Variants in TLL1 observed in about 807,000 individuals in gnomAD.
TLL1 encodes the protein tolloid like 1, also known as tolloid-like protein 1.
In TLL1, 49 loss-of-function variants were observed where a neutral mutation model predicts 128.2. The ratio of observed to expected loss-of-function variants is 0.38; its 90% CI spans 0.30 to 0.48. The LOEUF is 0.48. TLL1 is among the 20% of genes least tolerant of loss of function. The pLI is 0.96. For missense variants in TLL1, 1,123 were observed against 1,242.0 expected (o/e 0.90, Z 1.44); for synonymous variants, 454 against 418.8 (o/e 1.08, Z -1.03).
At chr4:165,905,250 T>A (rs1037577062) in intron 1 of TLL1, among the ~76,000 whole-genome samples, 2 of 152,174 alleles carry the variant, frequency 1.3e-5, no homozygotes, top group African/African-American at 4.8e-5. Context: ...CTACAAACCT[T>A]TATTCACAAT....
chr4:165,911,977 G>A (rs1052982921), intron 1 of TLL1, among the ~76,000 whole-genome samples: 2 of 152,040 alleles, frequency 1.3e-5, no homozygotes, highest in African/African-American at 4.8e-5. Context: ...CCGGGTTCAC[G>A]CCATTCTCCT....
intron 18 of TLL1, among the ~76,000 whole-genome samples, chr4:166,085,875 G>A (rs913176300): frequency 2.8e-4 from 43 of 152,146 alleles, no homozygotes; most frequent in African/African-American, 8.2e-4. Context: ...TTTTTAAATC[G>A]TAGTTTATGA....
chr4:166,050,136 A>G (rs905197093), intron 12 of TLL1, among the ~76,000 whole-genome samples: 6 of 152,184 alleles, frequency 3.9e-5, no homozygotes, highest in Non-Finnish European at 8.8e-5. Flanking sequence ...AAAATGTTCA[A>G]GCAATTTCCA....
chr4:166,056,394 G>GTA (rs1391655873), intron 13 of TLL1, among the ~76,000 whole-genome samples: 4 of 150,928 alleles, frequency 2.7e-5, no homozygotes, highest in Non-Finnish European at 1.5e-5. Context: ...ATTATATATT[G>GTA]TATATATATA....
Position 165,962,052 on chromosome 4 carries a change from A to T in TLL1, c.170-27329A>T, listed in dbSNP as rs530507091. 2.6e-5 allele frequency among the ~76,000 whole-genome samples: 4 copies of T among 152,254 alleles called. No individual in the cohort carries two copies. In the East Asian group the frequency reaches 7.7e-4, roughly 29 times the overall value. On this transcript the variant is annotated intron_variant, in intron 1 of 20. Coordinates refer to ENST00000061240, the MANE Select transcript of TLL1 (RefSeq NM_012464.5). Reference sequence around the variant, plus strand: ...ATGGCTATGTTCTAAAAAAAATTGCAATAGAAACAAAAATTAACAAGTGGG... The same window carrying T: ...ATGGCTATGTTCTAAAAAAAATTGCTATAGAAACAAAAATTAACAAGTGGG...
chr4:165,949,561 T>C (rs1734410627), intron 1 of TLL1, among the ~76,000 whole-genome samples: 1 of 152,038 alleles, frequency 6.6e-6, no homozygotes, highest in African/African-American at 2.4e-5. Flanking sequence ...TACCCGAGAC[T>C]GAGCAATTTA....
At position 166,065,418 on chromosome 4, in the gene TLL1, A is replaced by G. The variant is rs181903063; in HGVS notation, c.2008-265A>G. Among the ~76,000 whole-genome samples, 162 of 152,108 alleles carry G rather than the reference A, an allele frequency of 1.1e-3. 1 individual carries two copies. Among genetic ancestry groups the G allele is most frequent in the African/African-American group, 3.8e-3 (157 of 41,544 alleles). The stretch of plus-strand genomic sequence containing the variant: ...ATCACCAGTGCCATGTATGACAAGT[A>G]TCATTTTGGACAAGCTATATAAAAA... On this transcript the variant is annotated intron_variant, in intron 15 of 20. Coordinates refer to ENST00000061240, the MANE Select transcript of TLL1 (RefSeq NM_012464.5).
intron 1 of TLL1, among the ~76,000 whole-genome samples, chr4:165,972,808 C>A (rs1217860113): frequency 6.6e-6 from 1 of 152,132 alleles, no homozygotes; most frequent in East Asian, 1.9e-4. Context: ...CACCTTCTAC[C>A]ATCAGTCTTG....
At chr4:166,044,735 A>C (rs1002747241) in intron 12 of TLL1, among the ~76,000 whole-genome samples, 2 of 147,246 alleles carry the variant, frequency 1.4e-5, no homozygotes, top group Non-Finnish European at 2.9e-5. Flanking sequence ...TGATTTAGAC[A>C]AAAAAAAGGC....
chr4:166,056,555 TTTTAA>T (rs1290412503), intron 13 of TLL1, among the ~76,000 whole-genome samples: 2 of 152,168 alleles, frequency 1.3e-5, no homozygotes, highest in African/African-American at 4.8e-5. Flanking sequence ...GTTTTATACC[TTTTAA>T]TTTATGTTCA....
At chr4:166,050,444 T>C (rs1411404544) in intron 12 of TLL1, among the ~76,000 whole-genome samples, 1 of 152,214 alleles carries the variant, frequency 6.6e-6, no homozygotes, top group Non-Finnish European at 1.5e-5. Flanking sequence ...TTTCAATTCT[T>C]TGGGGTATTT....
rs562131971 is a variant in TLL1, at chr4:165,956,882, G to A, written c.170-32499G>A. Among the ~76,000 whole-genome samples, 276 of 152,052 alleles carry A rather than the reference G, an allele frequency of 1.8e-3. 1 individual carries two copies. Among genetic ancestry groups the A allele is most frequent in the Non-Finnish European group, 3.5e-3 (240 of 67,982 alleles). On this transcript the variant is annotated intron_variant, in intron 1 of 20. Transcript: ENST00000061240. ...CTCTGTTTGGGGTCCCTGACTTCCC[G>A]CAATACCTGATACCACAAAAACACA...
rs772506644 is a variant in TLL1 at position 165,995,042 on chromosome 4, C to T, written c.515-19C>T. 1 of 1,603,410 alleles carries T rather than the reference C, an allele frequency of 6.2e-7. No homozygotes were observed. Among genetic ancestry groups the T allele is most frequent in the Non-Finnish European group, 8.5e-7 (1 of 1,170,472 alleles). On this transcript the variant is annotated intron_variant, in intron 4 of 20. Coordinates refer to ENST00000061240, the MANE Select transcript of TLL1 (RefSeq NM_012464.5). The stretch of plus-strand genomic sequence containing the variant: ...CCTGGGGATGCCACCTTTTCATTAA[C>T]ATCACACATTTTTTCTAGGCAGCCA...
At chr4:166,087,770 C>T (rs1741590518) in intron 18 of TLL1, among the ~76,000 whole-genome samples, 1 of 152,132 alleles carries the variant, frequency 6.6e-6, no homozygotes, top group African/African-American at 2.4e-5. Context: ...GGAAGCCTGG[C>T]CAGGGGCCAG....
At chr4:166,023,409 A>T (rs912768898) in intron 8 of TLL1, among the ~76,000 whole-genome samples, 1 of 152,210 alleles carries the variant, frequency 6.6e-6, no homozygotes, top group Non-Finnish European at 1.5e-5. Context: ...CCAAAGAAAA[A>T]TAAAAAGTTT....
At chr4:166,019,906 A>G (rs1738136734) in intron 8 of TLL1, among the ~76,000 whole-genome samples, 1 of 152,182 alleles carries the variant, frequency 6.6e-6, no homozygotes, top group East Asian at 1.9e-4. Flanking sequence ...TAGTTATTAC[A>G]CAGTCAGTGC....
At chr4:166,015,143 T>C (rs1217269384) in intron 8 of TLL1, among the ~76,000 whole-genome samples, 1 of 152,016 alleles carries the variant, frequency 6.6e-6, no homozygotes, top group Non-Finnish European at 1.5e-5. Context: ...GCCTTAATCA[T>C]CCAAGAAAGA....
chr4:165,903,508 G>A (rs1174512542), intron 1 of TLL1, among the ~76,000 whole-genome samples: 2 of 149,962 alleles, frequency 1.3e-5, no homozygotes, highest in Admixed American at 6.6e-5. Context: ...CGCCTCCTGG[G>A]TTCAAGCGAT....
chr4:166,060,054 C>G lies in TLL1; in HGVS notation c.1873C>G (p.Leu625Val). 1.2e-6 allele frequency: 2 copies of G among 1,613,714 alleles called. No homozygotes were observed. The highest frequency in any genetic ancestry group is 1.7e-6 in the Non-Finnish European group (2 of 1,179,862). Residue 625 changes from leucine to valine, a missense_variant, in exon 15 of 21, where the codon CTT becomes GTT. Leu to Val is a conservative substitution (Grantham distance 32). Around this residue, in one of 3 missense-constraint regions of TLL1, gnomAD observed 634 missense variants for 672.4 expected, o/e 0.94. Transcript: ENST00000061240. Reference protein sequence around the residue: ...EAACGGLLTKLNGTITTPGWP... With the variant: ...EAACGGLLTKVNGTITTPGWP... ...TGCTTGTGGTGGACTTCTTACCAAACTTAACGGCACCATAACCACCCCTGG... is the reference window on the plus strand; with the variant it reads ...TGCTTGTGGTGGACTTCTTACCAAAGTTAACGGCACCATAACCACCCCTGG...
Sources: allele counts gnomAD v4.1 joint callset (sites outside exome capture counted in the v4.1 genomes callset), GRCh38; gene constraint gnomAD v4.1.1; regional missense constraint gnomAD v4.1.1; transcripts MANE v1.5; gene names NCBI Gene and HGNC (gene_info 2026-07-23, HGNC 2026-07-21).